Variants in NOCT observed in about 807,000 individuals in gnomAD.
NOCT encodes the protein CCR4 carbon catabolite repression 4-like.
Under a neutral mutation model 35.0 loss-of-function variants are expected in NOCT, and 18 were observed. That is an observed-to-expected ratio of 0.51 (90% CI 0.36 to 0.76). NOCT has a LOEUF of 0.76. NOCT is among the 30% of genes least tolerant of loss of function. The probability of loss-of-function intolerance (pLI) is 0.01; values close to 1 mark genes in which losing one functional copy is unlikely to be tolerated. For missense variants in NOCT, 479 were observed against 541.0 expected (o/e 0.89, Z 1.14); for synonymous variants, 235 against 226.3 (o/e 1.04, Z -0.34).
chr4:139,032,510 A>C (rs1481460583), intron 1 of NOCT, among the ~76,000 whole-genome samples: 2 of 152,192 alleles, frequency 1.3e-5, no homozygotes, highest in African/African-American at 4.8e-5. Flanking sequence ...AAAAAAATTT[A>C]ATAAAAAAAT....
Position 139,045,662 on chromosome 4 carries a change from G to A in NOCT, c.*188G>A, listed in dbSNP as rs137915288. The A allele has an allele frequency of 2.2e-4, 104 of 478,890 alleles. No individual in the cohort carries two copies. Among genetic ancestry groups the A allele is most frequent in the Admixed American group, 8.8e-4 (23 of 26,180 alleles). The allele number at this position is 478,890 out of a possible 1,614,324, so 29.7% of individuals were successfully genotyped here. On this transcript the variant is annotated 3_prime_UTR_variant, in exon 3 of 3. Transcript: ENST00000280614. Reference sequence around the variant, plus strand: ...CTCCAGAGCAACTGGGACAACAGGCGCCCGTCACCACGCCCAGCTAATTTT... The same window carrying A: ...CTCCAGAGCAACTGGGACAACAGGCACCCGTCACCACGCCCAGCTAATTTT...
rs902932569 is a variant in NOCT, at chr4:139,044,919, A to C, written c.741A>C (p.Leu247=). 1.2e-6 allele frequency: 2 copies of C among 1,614,238 alleles called. No individual in the cohort carries two copies. The highest frequency in any genetic ancestry group is 4.5e-5 in the East Asian group (2 of 44,888). ...ALFFLQNRFK[L]VNSANIRLTA... Reference sequence around the variant, plus strand: ...TTTTTCTTCAAAACCGATTCAAGCTAGTCAACAGTGCCAATATTAGGCTGA... The same window carrying C: ...TTTTTCTTCAAAACCGATTCAAGCTCGTCAACAGTGCCAATATTAGGCTGA... The change falls in exon 3 of 3, where the codon CTA becomes CTC. Residue 247 remains leucine (L), a synonymous_variant. Coordinates refer to ENST00000280614, the MANE Select transcript of NOCT (RefSeq NM_012118.4).
chr4:139,035,326 G>C (rs1726711446), intron 1 of NOCT, among the ~76,000 whole-genome samples: 1 of 152,036 alleles, frequency 6.6e-6, no homozygotes, highest in African/African-American at 2.4e-5. Flanking sequence ...TGTAGAGATA[G>C]GGGCTCCCAG....
chr4:139,039,025 A>G (rs1578632339), intron 1 of NOCT, among the ~76,000 whole-genome samples: 1 of 152,094 alleles, frequency 6.6e-6, no homozygotes, highest in Non-Finnish European at 1.5e-5. Flanking sequence ...TTAACAACAC[A>G]TTTTTTAAAT....
chr4:139,016,133 C>T lies in NOCT; in HGVS notation c.152C>T (p.Ser51Leu), dbSNP rs1726293736. ...TCCCCCCGGCTGCTGGCGGCGGCCTCGGCGGCCTCGGGCGCCGCGAGGTCG... is the reference window on the plus strand; with the variant it reads ...TCCCCCCGGCTGCTGGCGGCGGCCTTGGCGGCCTCGGGCGCCGCGAGGTCG... ...PASPRLLAAA[S>L]AASGAARSCS... The change falls in exon 1 of 3, where the codon TCG becomes TTG. Residue 51 changes from serine (S) to leucine (L), a missense_variant. By Grantham distance (145) the Ser-to-Leu change is moderately radical. Around this residue, in one of 2 missense-constraint regions of NOCT, gnomAD observed 265 missense variants for 257.0 expected, o/e 1.03. Coordinates refer to ENST00000280614, the MANE Select transcript of NOCT (RefSeq NM_012118.4). 2.3e-6 allele frequency: 3 copies of T among 1,287,462 alleles called. No homozygotes were observed. Among genetic ancestry groups the T allele is most frequent in the Non-Finnish European group, 2.9e-6 (3 of 1,020,344 alleles). The allele number at this position is 1,287,462 out of a possible 1,614,324, so 79.8% of individuals were successfully genotyped here.
At chr4:139,024,613 A>T (rs541502087) in intron 1 of NOCT, among the ~76,000 whole-genome samples, 11 of 151,210 alleles carry the variant, frequency 7.3e-5, no homozygotes, top group Middle Eastern at 3.4e-3. Context: ...GTTTTTTGAG[A>T]TGGGGTCTCG....
intron 1 of NOCT, among the ~76,000 whole-genome samples, chr4:139,035,650 A>G (rs2148645899): frequency 6.6e-6 from 1 of 152,260 alleles, no homozygotes; most frequent in South Asian, 2.1e-4. Flanking sequence ...GTTTAAATAT[A>G]TCAGCCAGTG....
intron 1 of NOCT, among the ~76,000 whole-genome samples, chr4:139,038,808 GTCT>G (rs1329064447): frequency 6.6e-6 from 1 of 152,128 alleles, no homozygotes; most frequent in African/African-American, 2.4e-5. Context: ...CTCCCTGAAA[GTCT>G]TCTTTAGAAT....
intron 1 of NOCT, among the ~76,000 whole-genome samples, chr4:139,033,782 TGGGGTGCA>T (rs757620283): frequency 1.1e-4 from 17 of 152,182 alleles, no homozygotes; most frequent in Non-Finnish European, 1.8e-4. Context: ...TTTTGAGAGC[TGGGGTGCA>T]GTGGTGCAGT....
chr4:139,034,808 A>C (rs1295273704), intron 1 of NOCT, among the ~76,000 whole-genome samples: 1 of 152,018 alleles, frequency 6.6e-6, no homozygotes, highest in African/African-American at 2.4e-5. Context: ...TGATCTGCCC[A>C]CCTCAGCCTC....
At chr4:139,022,865 A>G (rs1180660563) in intron 1 of NOCT, among the ~76,000 whole-genome samples, 1 of 151,956 alleles carries the variant, frequency 6.6e-6, no homozygotes, top group Non-Finnish European at 1.5e-5. Flanking sequence ...GAGGCCAAGG[A>G]GGTGGGGGGA....
Position 139,045,284 on chromosome 4 carries a change from CAG to C in NOCT, c.1107_1108del (p.Glu371ValfsTer12). ...TACACTACCTGGAAGATCCGGACCT[CAG>C]GGGAGTGCAGGCACACCCTGGATTA... is the stretch of plus-strand genomic sequence containing the variant. On this transcript the variant is annotated frameshift_variant, in exon 3 of 3. Transcript: ENST00000280614. LOFTEE classifies it high-confidence loss of function. The C allele has an allele frequency of 6.2e-7, 1 of 1,614,138 alleles. No individual in the cohort carries two copies. Among genetic ancestry groups the C allele is most frequent in the Non-Finnish European group, 8.5e-7 (1 of 1,180,022 alleles).
intron 1 of NOCT, among the ~76,000 whole-genome samples, chr4:139,030,751 A>C (rs2148644549): frequency 6.6e-6 from 1 of 152,300 alleles, no homozygotes; most frequent in East Asian, 1.9e-4. Flanking sequence ...CTACTCTAAG[A>C]AGGCTAATGA....
At chr4:139,021,260 C>T (rs1331848323) in intron 1 of NOCT, among the ~76,000 whole-genome samples, 2 of 152,054 alleles carry the variant, frequency 1.3e-5, no homozygotes, top group African/African-American at 4.8e-5. Context: ...CCTCAGCCAT[C>T]CAAAAGTGCT....
At chr4:139,038,267 C>A (rs993687839) in intron 1 of NOCT, among the ~76,000 whole-genome samples, 2 of 151,826 alleles carry the variant, frequency 1.3e-5, no homozygotes, top group Non-Finnish European at 2.9e-5. Flanking sequence ...TGTGGCACAG[C>A]TAAATAGTCA....
chr4:139,041,934 C>G (rs1726837817), intron 1 of NOCT, among the ~76,000 whole-genome samples: 1 of 150,498 alleles, frequency 6.6e-6, no homozygotes, highest in Non-Finnish European at 1.5e-5. Context: ...CTAGCCATTA[C>G]TTTCCCCAAC....
At chr4:139,019,380 T>G (rs1015748491) in intron 1 of NOCT, among the ~76,000 whole-genome samples, 3 of 152,196 alleles carry the variant, frequency 2.0e-5, no homozygotes, top group African/African-American at 7.2e-5. Flanking sequence ...AAAATGCAGA[T>G]TCTTGGATCC....
chr4:139,016,967 T>A (rs1726322729), intron 1 of NOCT, among the ~76,000 whole-genome samples: 1 of 75,832 alleles, frequency 1.3e-5, no homozygotes, highest in African/African-American at 4.8e-5. Context: ...TACGTTTCTT[T>A]GGATTTTTTT....
At chr4:139,039,868 C>T (rs1177260600) in intron 1 of NOCT, among the ~76,000 whole-genome samples, 3 of 152,048 alleles carry the variant, frequency 2.0e-5, no homozygotes, top group African/African-American at 7.2e-5. Context: ...GCTGGGATTA[C>T]AGGCGCCCAA....
Sources: allele counts gnomAD v4.1 joint callset (sites outside exome capture counted in the v4.1 genomes callset), GRCh38; gene constraint gnomAD v4.1.1; regional missense constraint gnomAD v4.1.1; transcripts MANE v1.5; gene names NCBI Gene and HGNC (gene_info 2026-07-23, HGNC 2026-07-21).